CAPRIN1: variants seen among roughly 807,000 people sequenced by gnomAD.
The protein encoded by CAPRIN1 is caprin-1.
A neutral mutation model predicts 100.9 loss-of-function variants in CAPRIN1; 29 were observed. That is an observed-to-expected ratio of 0.29 (90% confidence interval 0.21 to 0.39). CAPRIN1 has a LOEUF of 0.39. CAPRIN1 is among the 10% of genes least tolerant of loss of function. CAPRIN1 has a pLI of 1.00. For synonymous variants in CAPRIN1, 338 were observed against 307.5 expected, an observed-to-expected ratio of 1.10 and a Z score of -1.04; for missense variants, 795 against 876.7, an observed-to-expected ratio of 0.91 and a Z score of 1.18.
chr11:34,064,520 G>A (rs1322133593), intron 2 of CAPRIN1, among the ~76,000 whole-genome samples: 1 of 152,204 alleles, frequency 6.6e-6, no homozygotes, highest in Non-Finnish European at 1.5e-5. Context: ...ATCATGGAAG[G>A]CCACTTAAGG....
At chr11:34,074,527 T>C (rs1253205183) in intron 4 of CAPRIN1, among the ~76,000 whole-genome samples, 1 of 152,222 alleles carries the variant, frequency 6.6e-6, no homozygotes, top group African/African-American at 2.4e-5. Flanking sequence ...TTCTTTTGCT[T>C]TGTTAACTTC....
At chr11:34,099,209 T>C (rs932950949) in intron 18 of CAPRIN1, 94 bp from the exon 19 acceptor site, 2 of 1,550,308 alleles carry the variant, frequency 1.3e-6, no homozygotes, top group African/African-American at 2.7e-5. Context: ...GGTGACAGGC[T>C]GCCCACATGC....
Position 34,076,480 on chromosome 11 carries a change from AGTGGTATTT to A in CAPRIN1, c.605+8_605+16del. On this transcript the variant is annotated splice_region_variant and intron_variant, in intron 5 of 18. Coordinates refer to ENST00000341394, the MANE Select transcript of CAPRIN1 (RefSeq NM_005898.5). ...GAACGGGACATGAGCTTGAGGTATTAGTGGTATTTGATAATAGAAACTTCTGAGTATTTA... is the reference window on the plus strand; with the variant it reads ...GAACGGGACATGAGCTTGAGGTATTAGATAATAGAAACTTCTGAGTATTTA... The A allele has an allele frequency of 6.2e-7, 1 of 1,610,786 alleles. No individual in the cohort carries two copies. The highest frequency in any genetic ancestry group is 8.5e-7 in the Non-Finnish European group (1 of 1,176,880).
intron 2 of CAPRIN1, among the ~76,000 whole-genome samples, chr11:34,060,096 C>T (rs1430047499): frequency 4.1e-5 from 6 of 145,530 alleles, no homozygotes; most frequent in South Asian, 2.2e-4. Context: ...CTTGGGAGGC[C>T]GAGACAGGAG....
rs369702787 is a variant in CAPRIN1, at chr11:34,089,347, C to T, written c.1232-48C>T. Reference sequence around the variant, plus strand: ...ATAAAAGGTATTTAGACGCGTCTCTCTAAAAATTTAATTTTGTTTGACAAA... The same window carrying T: ...ATAAAAGGTATTTAGACGCGTCTCTTTAAAAATTTAATTTTGTTTGACAAA... On this transcript the variant is annotated intron_variant, in intron 11 of 18. Transcript: ENST00000341394. 41 of 970,702 alleles carry T rather than the reference C, an allele frequency of 4.2e-5. No individual in the cohort carries two copies. In the African/African-American group the frequency reaches 6.7e-4, roughly 16 times the overall value. The allele number at this position is 970,702 out of a possible 1,614,324, so 60.1% of individuals were successfully genotyped here.
At chr11:34,091,172 GATTAAAT>G (rs1254866568) in intron 14 of CAPRIN1, among the ~76,000 whole-genome samples, 2 of 152,084 alleles carry the variant, frequency 1.3e-5, no homozygotes, top group African/African-American at 4.8e-5. Context: ...AAGTTCATAA[GATTAAAT>G]ATTAAAATAA....
intron 7 of CAPRIN1, among the ~76,000 whole-genome samples, chr11:34,082,506 C>T (rs1851053040): frequency 6.6e-6 from 1 of 152,086 alleles, no homozygotes; most frequent in Admixed American, 6.6e-5. Context: ...TTTTTTAGAG[C>T]AGTTTTAGGC....
chr11:34,061,438 C>T (rs1003604842), intron 2 of CAPRIN1, among the ~76,000 whole-genome samples: 20 of 151,988 alleles, frequency 1.3e-4, no homozygotes, highest in African/African-American at 4.8e-4. Context: ...AAACTCCTGA[C>T]CTCAGGAGAT....
chr11:34,092,715 A>C (rs906185112), intron 15 of CAPRIN1, among the ~76,000 whole-genome samples: 1 of 152,226 alleles, frequency 6.6e-6, no homozygotes, highest in Non-Finnish European at 1.5e-5. Flanking sequence ...GATATCTGGC[A>C]TTGAGTCAGT....
rs1850305338 is a variant in CAPRIN1 at position 34,051,741 on chromosome 11, G to C, written c.-131G>C. The stretch of plus-strand genomic sequence containing the variant: ...TCCCGGCTCTCGCCTCACTAGGAGC[G>C]GCTCTCGGTGCAGCGGGACAGGGCG... On this transcript the variant is annotated 5_prime_UTR_variant, in exon 1 of 19. Transcript: ENST00000341394. The C allele has an allele frequency of 1.3e-5, 2 of 152,326 alleles. No homozygotes were observed. Among genetic ancestry groups the C allele is most frequent in the Admixed American group, 1.3e-4 (2 of 15,288 alleles). 9.4% of individuals were successfully genotyped at this position (152,326 alleles called of 1,614,324 possible).
At chr11:34,093,970 T>TA (rs1851314919) in intron 15 of CAPRIN1, among the ~76,000 whole-genome samples, 1 of 152,076 alleles carries the variant, frequency 6.6e-6, no homozygotes, top group Non-Finnish European at 1.5e-5. Flanking sequence ...TTCTATTTTT[T>TA]TAAAAAAAGT....
chr11:34,056,946 C>T (rs1374468167), intron 2 of CAPRIN1, among the ~76,000 whole-genome samples: 5 of 152,138 alleles, frequency 3.3e-5, no homozygotes, highest in African/African-American at 4.8e-5. Context: ...GCTTTCTGCA[C>T]TTCATCTTTG....
At chr11:34,090,737 C>A in intron 14 of CAPRIN1, 59 bp downstream of exon 14, 1 of 1,520,814 alleles carries the variant, frequency 6.6e-7, no homozygotes, top group South Asian at 1.2e-5. Flanking sequence ...GGTAGATTTT[C>A]TTTTCTTTTT....
intron 11 of CAPRIN1, among the ~76,000 whole-genome samples, chr11:34,088,147 C>G (rs1188980061): frequency 2.0e-5 from 3 of 152,136 alleles, no homozygotes; most frequent in Non-Finnish European, 4.4e-5. Flanking sequence ...AAAGTACAGG[C>G]ACACACCACA....
At chr11:34,066,798 G>A (rs1474209752) in intron 2 of CAPRIN1, among the ~76,000 whole-genome samples, 2 of 140,258 alleles carry the variant, frequency 1.4e-5, no homozygotes, top group South Asian at 2.3e-4. Flanking sequence ...GCTAATTTTT[G>A]TATTTTTTTT....
chr11:34,060,733 T>C (rs1850560497), intron 2 of CAPRIN1, among the ~76,000 whole-genome samples: 1 of 151,776 alleles, frequency 6.6e-6, no homozygotes, highest in South Asian at 2.1e-4. Flanking sequence ...AGCTTGCTCA[T>C]GTAGCAGGAG....
chr11:34,095,051 T>G (rs544569226), intron 15 of CAPRIN1, among the ~76,000 whole-genome samples: 1 of 151,998 alleles, frequency 6.6e-6, no homozygotes, highest in South Asian at 2.1e-4. Context: ...CCTGGCTAAT[T>G]TTTTGTATTT....
chr11:34,096,555 C>T lies in CAPRIN1; in HGVS notation c.1782C>T (p.Asn594=). ...ACCACCAGCAGCCTCCTCAGCAGAA[C>T]ACTGGATTTCCACGTAGCAATCAGC... The part of the protein sequence containing the change: ...TGNHQQPPQQ[N]TGFPRSNQPY... The change falls in exon 16 of 19, where the codon AAC becomes AAT. Residue 594 remains asparagine, a synonymous_variant. Transcript: ENST00000341394. 1 of 1,614,106 alleles carries T rather than the reference C, an allele frequency of 6.2e-7. No individual in the cohort carries two copies.
chr11:34,065,421 A>C (rs1326095482), intron 2 of CAPRIN1, among the ~76,000 whole-genome samples: 1 of 152,240 alleles, frequency 6.6e-6, no homozygotes, highest in Non-Finnish European at 1.5e-5. Context: ...CAGAAGACTC[A>C]ATACCAACTA....
Sources: allele counts gnomAD v4.1 joint callset (sites outside exome capture counted in the v4.1 genomes callset), GRCh38; gene constraint gnomAD v4.1.1; transcripts MANE v1.5; gene names NCBI Gene and HGNC (gene_info 2026-07-23, HGNC 2026-07-21).